Variants in TMEFF2 observed in about 807,000 individuals in gnomAD.
TMEFF2 encodes tomoregulin-2.
A neutral mutation model predicts 53.8 loss-of-function variants in TMEFF2; 28 were observed. The ratio of observed to expected loss-of-function variants is 0.52; its 90% CI spans 0.39 to 0.71. TMEFF2 has a LOEUF of 0.71. Among genes scored for constraint, TMEFF2 ranks in the 30% least tolerant of loss-of-function variants. The pLI, the probability that TMEFF2 is intolerant of heterozygous loss-of-function variation, is 0.00. For missense variants in TMEFF2, 353 were observed against 455.2 expected, an observed-to-expected ratio of 0.78 and a Z score of 2.04; for synonymous variants, 162 against 166.3, an observed-to-expected ratio of 0.97 and a Z score of 0.20.
chr2:191,952,843 T>A (rs2105783551), intron 9 of TMEFF2, among the ~76,000 whole-genome samples: 1 of 152,342 alleles, frequency 6.6e-6, no homozygotes, highest in East Asian at 1.9e-4. Context: ...GCTGCACAAA[T>A]GAAGAAAGTC....
chr2:192,095,265 A>G (rs1410785298), intron 4 of TMEFF2, among the ~76,000 whole-genome samples: 1 of 152,178 alleles, frequency 6.6e-6, no homozygotes, highest in Non-Finnish European at 1.5e-5. Flanking sequence ...AAGCCTCTCA[A>G]ATTGCTGGGA....
chr2:192,074,773 G>A (rs896835365), intron 4 of TMEFF2, among the ~76,000 whole-genome samples: 2 of 151,800 alleles, frequency 1.3e-5, no homozygotes, highest in Admixed American at 6.6e-5. Flanking sequence ...TATATAACTC[G>A]AATACATTAT....
At chr2:192,137,753 T>TTA (rs1690044817) in intron 4 of TMEFF2, among the ~76,000 whole-genome samples, 2 of 148,794 alleles carry the variant, frequency 1.3e-5, no homozygotes, top group Middle Eastern at 3.6e-3. Context: ...ATATATCTAC[T>TTA]TATATATATA....
intron 4 of TMEFF2, among the ~76,000 whole-genome samples, chr2:192,135,407 T>G (rs1689975705): frequency 1.3e-5 from 2 of 152,156 alleles, no homozygotes; most frequent in African/African-American, 4.8e-5. Flanking sequence ...CCATTTAGTT[T>G]TTCAATTCAT....
intron 4 of TMEFF2, among the ~76,000 whole-genome samples, chr2:192,069,254 G>A (rs1046573142): frequency 4.0e-5 from 6 of 151,522 alleles, no homozygotes; most frequent in East Asian, 1.9e-4. Context: ...TAGTCTACCC[G>A]CTAGAACCCC....
chr2:192,136,026 A>G (rs1689999035), intron 4 of TMEFF2, among the ~76,000 whole-genome samples: 1 of 152,052 alleles, frequency 6.6e-6, no homozygotes, highest in African/African-American at 2.4e-5. Flanking sequence ...TTTCGGACTC[A>G]GCCCACCTGC....
chr2:192,169,522 T>C (rs1690856147), intron 4 of TMEFF2, among the ~76,000 whole-genome samples: 1 of 152,116 alleles, frequency 6.6e-6, no homozygotes, highest in African/African-American at 2.4e-5. Flanking sequence ...CTAAGGATGA[T>C]GGACAGCCAT....
intron 4 of TMEFF2, among the ~76,000 whole-genome samples, chr2:192,164,710 T>C (rs1394187946): frequency 7.1e-6 from 1 of 139,922 alleles, no homozygotes; most frequent in Non-Finnish European, 1.5e-5. Context: ...CCTGGTGACA[T>C]AGCGAGACTT....
chr2:191,965,281 C>T (rs747246317), intron 7 of TMEFF2, among the ~76,000 whole-genome samples: 19 of 152,220 alleles, frequency 1.2e-4, no homozygotes, highest in Non-Finnish European at 1.3e-4. Flanking sequence ...TATTTATCTA[C>T]TCATTGACCA....
intron 4 of TMEFF2, among the ~76,000 whole-genome samples, chr2:192,079,160 A>G (rs1178753969): frequency 6.6e-6 from 1 of 152,214 alleles, no homozygotes; most frequent in Non-Finnish European, 1.5e-5. Flanking sequence ...AAAATTGAGC[A>G]CAGTGAGGGC....
chr2:192,024,322 C>A (rs2105864239), intron 5 of TMEFF2, among the ~76,000 whole-genome samples: 1 of 152,208 alleles, frequency 6.6e-6, no homozygotes, highest in South Asian at 2.1e-4. Flanking sequence ...GAGTGCCCTT[C>A]AGTATTTTGT....
intron 4 of TMEFF2, among the ~76,000 whole-genome samples, chr2:192,079,047 T>C (rs1404845470): frequency 6.6e-6 from 1 of 152,182 alleles, no homozygotes; most frequent in Non-Finnish European, 1.5e-5. Context: ...TGCCATGTAG[T>C]TGCAAGATAG....
intron 2 of TMEFF2, among the ~76,000 whole-genome samples, chr2:192,188,010 A>T (rs1691357318): frequency 6.6e-6 from 1 of 152,146 alleles, no homozygotes; most frequent in South Asian, 2.1e-4. Flanking sequence ...TGCTCAACAG[A>T]TGTTAAGTCA....
chr2:192,134,259 T>C (rs1689939531), intron 4 of TMEFF2, among the ~76,000 whole-genome samples: 1 of 152,190 alleles, frequency 6.6e-6, no homozygotes, highest in African/African-American at 2.4e-5. Flanking sequence ...TGGCCCGGAC[T>C]TCAATACAGC....
chr2:192,101,158 T>C (rs1359443386), intron 4 of TMEFF2, among the ~76,000 whole-genome samples: 2 of 152,192 alleles, frequency 1.3e-5, no homozygotes, highest in African/African-American at 4.8e-5. Flanking sequence ...TTTACTGTGT[T>C]TCAGCAGCTT....
At chr2:192,048,849 GT>G (rs1687691015) in intron 5 of TMEFF2, among the ~76,000 whole-genome samples, 1 of 152,146 alleles carries the variant, frequency 6.6e-6, no homozygotes, top group African/African-American at 2.4e-5. Flanking sequence ...TTTGGTGAAG[GT>G]ATGTCTCTTC....
intron 7 of TMEFF2, among the ~76,000 whole-genome samples, chr2:191,971,321 T>A (rs909921066): frequency 1.3e-5 from 2 of 152,226 alleles, no homozygotes; most frequent in Non-Finnish European, 2.9e-5. Flanking sequence ...CAATAGGGGT[T>A]ATAAAACATG....
intron 4 of TMEFF2, among the ~76,000 whole-genome samples, chr2:192,132,145 C>T (rs1012909229): frequency 7.9e-5 from 12 of 152,318 alleles, no homozygotes; most frequent in African/African-American, 2.6e-4. Flanking sequence ...TCCTCAGCCT[C>T]CGCTCCTCCA....
At chr2:192,042,191 A>T (rs1687501294) in intron 5 of TMEFF2, among the ~76,000 whole-genome samples, 2 of 149,338 alleles carry the variant, frequency 1.3e-5, no homozygotes, top group South Asian at 4.4e-4. Context: ...GTAGAGTGAG[A>T]CTCTGTCTCA....
Sources: gnomAD v4.1 joint callset for allele counts (sites outside exome capture counted in the v4.1 genomes callset) on GRCh38, gnomAD v4.1.1 for gene constraint, MANE v1.5 for transcripts, NCBI Gene and HGNC (gene_info 2026-07-23, HGNC 2026-07-21) for gene names.